The following CSMD1 variants were observed in gnomAD, a reference collection of about 807,000 sequenced individuals.
The protein encoded by CSMD1 is CUB and Sushi multiple domains 1, also known as CUB and sushi domain-containing protein 1.
CSMD1 carries 213 observed loss-of-function variants against 417.5 expected under a neutral mutation model. The observed-to-expected ratio is 0.51, with a 90% CI of 0.46 to 0.57. The LOEUF (loss-of-function observed/expected upper bound fraction) is 0.57. Ranked by LOEUF, CSMD1 falls within the 20% of genes least tolerant of loss-of-function variation. The pLI is 0.00. For synonymous variants in CSMD1, 2,862 were observed against 1,736.8 expected (o/e 1.65, Z -16.11); for missense variants, 6,923 against 4,529.7 (o/e 1.53, Z -15.17).
At chr8:3,674,754 C>G (rs374391880) in intron 7 of CSMD1, among the ~76,000 whole-genome samples, 3 of 152,122 alleles carry the variant, frequency 2.0e-5, no homozygotes, top group South Asian at 4.1e-4. Flanking sequence ...CCCAACTTCA[C>G]TCTTCAAAAA....
intron 3 of CSMD1, among the ~76,000 whole-genome samples, chr8:4,172,059 A>C (rs1339274411): frequency 6.6e-6 from 1 of 152,180 alleles, no homozygotes; most frequent in African/African-American, 2.4e-5. Flanking sequence ...ACGATGCTTA[A>C]AGTATCTCTT....
intron 5 of CSMD1, among the ~76,000 whole-genome samples, chr8:3,936,962 G>C (rs1007192892): frequency 2.6e-5 from 4 of 152,160 alleles, no homozygotes; most frequent in South Asian, 2.1e-4. Flanking sequence ...GCACGAACAG[G>C]AGTTTAAAAG....
intron 7 of CSMD1, among the ~76,000 whole-genome samples, chr8:3,672,737 A>G (rs1371047901): frequency 1.3e-5 from 2 of 152,134 alleles, no homozygotes; most frequent in Admixed American, 1.3e-4. Flanking sequence ...TGGTGGATGT[A>G]TTTAAACCAG....
intron 7 of CSMD1, among the ~76,000 whole-genome samples, chr8:3,673,244 T>A (rs375410732): frequency 6.6e-6 from 1 of 152,336 alleles, no homozygotes; most frequent in East Asian, 1.9e-4. Flanking sequence ...CCAAATTCGT[T>A]TCTATTGAAC....
At chr8:4,169,776 T>C (rs1797663010) in intron 3 of CSMD1, among the ~76,000 whole-genome samples, 1 of 152,130 alleles carries the variant, frequency 6.6e-6, no homozygotes, top group Non-Finnish European at 1.5e-5. Context: ...GGGATGCTTC[T>C]TTACCGTTAA....
intron 8 of CSMD1, among the ~76,000 whole-genome samples, chr8:3,599,139 GTGTGTGTGTGTC>G (rs1304896525): frequency 9.9e-5 from 14 of 141,796 alleles, no homozygotes; most frequent in Admixed American, 2.7e-4. Flanking sequence ...GTGTGTGTGT[GTGTGTGTGTGTC>G]TGTGTGTGTG....
chr8:4,280,091 C>T (rs879428573), intron 3 of CSMD1, among the ~76,000 whole-genome samples: 5 of 152,198 alleles, frequency 3.3e-5, no homozygotes, highest in Non-Finnish European at 7.4e-5. Context: ...ATAAATAACT[C>T]TGTTTTGTAT....
chr8:3,731,256 C>G (rs1028983123), intron 6 of CSMD1, among the ~76,000 whole-genome samples: 3 of 152,188 alleles, frequency 2.0e-5, no homozygotes, highest in African/African-American at 7.2e-5. Flanking sequence ...GACGTGCATT[C>G]TACATTGACC....
intron 5 of CSMD1, among the ~76,000 whole-genome samples, chr8:3,848,891 A>G (rs1051237427): frequency 2.0e-5 from 3 of 151,568 alleles, no homozygotes; most frequent in Non-Finnish European, 4.4e-5. Flanking sequence ...AGAGTGATAT[A>G]AAGAAGATAC....
intron 10 of CSMD1, among the ~76,000 whole-genome samples, chr8:3,549,987 T>A (rs1253737901): frequency 6.6e-6 from 1 of 152,224 alleles, no homozygotes. Flanking sequence ...AGAGTTAATA[T>A]ATGTGTTGCT....
At chr8:4,391,596 C>T (rs1368822267) in intron 3 of CSMD1, among the ~76,000 whole-genome samples, 1 of 151,936 alleles carries the variant, frequency 6.6e-6, no homozygotes, top group African/African-American at 2.4e-5. Context: ...TTTTTGCCCC[C>T]GCTTTTGACT....
At chr8:3,249,884 G>T (rs961049616) in intron 26 of CSMD1, among the ~76,000 whole-genome samples, 6 of 152,096 alleles carry the variant, frequency 3.9e-5, no homozygotes, top group African/African-American at 1.4e-4. Flanking sequence ...GAAATGGATC[G>T]AAAATGCTAT....
chr8:3,534,810 T>C (rs952943582), intron 10 of CSMD1, among the ~76,000 whole-genome samples: 2 of 152,236 alleles, frequency 1.3e-5, no homozygotes, highest in Admixed American at 6.5e-5. Flanking sequence ...TCACACAACA[T>C]TTTCTTTGGG....
intron 3 of CSMD1, among the ~76,000 whole-genome samples, chr8:4,150,281 A>C (rs1271633051): frequency 6.6e-6 from 1 of 152,254 alleles, no homozygotes; most frequent in East Asian, 1.9e-4. Context: ...CCAGATGTAG[A>C]AGTCTCCAAG....
chr8:3,890,839 A>C (rs989943485), intron 5 of CSMD1, among the ~76,000 whole-genome samples: 16 of 152,264 alleles, frequency 1.1e-4, no homozygotes, highest in Admixed American at 3.3e-4. Flanking sequence ...TAAAATGCTC[A>C]TACTCAGTAA....
chr8:4,658,643 G>A (rs543256134), intron 1 of CSMD1, among the ~76,000 whole-genome samples: 12 of 152,068 alleles, frequency 7.9e-5, no homozygotes, highest in African/African-American at 2.4e-4. Context: ...AAAAGACTTC[G>A]GAAAGTAAAG....
At chr8:3,339,783 A>G (rs1050184351) in intron 23 of CSMD1, among the ~76,000 whole-genome samples, 14 of 152,192 alleles carry the variant, frequency 9.2e-5, no homozygotes, top group East Asian at 7.7e-4. Flanking sequence ...TAAGGTGCGA[A>G]GAAGTACAAA....
intron 25 of CSMD1, among the ~76,000 whole-genome samples, chr8:3,298,958 G>A (rs555265360): frequency 1.3e-5 from 2 of 152,150 alleles, no homozygotes; most frequent in Non-Finnish European, 1.5e-5. Context: ...ATATGCTAAT[G>A]AGAAGCTTAC....
intron 1 of CSMD1, among the ~76,000 whole-genome samples, chr8:4,888,921 G>A (rs555705629): frequency 1.2e-4 from 18 of 152,082 alleles, no homozygotes; most frequent in African/African-American, 3.9e-4. Flanking sequence ...AATTAAATGA[G>A]TTAATGAATG....
Sources: gnomAD v4.1 joint callset for allele counts (sites outside exome capture counted in the v4.1 genomes callset) on GRCh38, gnomAD v4.1.1 for gene constraint, MANE v1.5 for transcripts, NCBI Gene and HGNC (gene_info 2026-07-23, HGNC 2026-07-21) for gene names.